Variants in MDM1 observed in about 807,000 individuals in gnomAD.
MDM1 encodes Mdm1 nuclear protein.
In MDM1, 61 loss-of-function variants were observed where a neutral mutation model predicts 89.1. The ratio of observed to expected loss-of-function variants is 0.68; its 90% CI spans 0.56 to 0.85. The LOEUF is 0.85. MDM1 is among the 40% of genes least tolerant of loss of function. The probability of loss-of-function intolerance (pLI) is 0.00; values close to 1 mark genes in which losing one functional copy is unlikely to be tolerated. For synonymous variants in MDM1, 290 were observed against 294.1 expected (o/e 0.99, Z 0.14); for missense variants, 820 against 846.5 (o/e 0.97, Z 0.39).
In MDM1 at chr12:68,332,350, T is replaced by C. The variant is rs1024947207; in HGVS notation, c.-105A>G. The C allele has an allele frequency of 1.1e-5, 15 of 1,371,990 alleles. No homozygotes were observed. Among genetic ancestry groups the C allele is most frequent in the South Asian group, 8.7e-5 (6 of 68,732 alleles). The allele number at this position is 1,371,990 out of a possible 1,614,324, so 85.0% of individuals were successfully genotyped here. ...TCCCTAGCAAAGCCTCGGCCCGGCG[T>C]CCCCGACTACGCGCCGGCGCACTCC... On this transcript the variant is annotated 5_prime_UTR_variant, in exon 1 of 15. Transcript: ENST00000682720.
chr12:68,316,914 T>C (rs2121013916), intron 7 of MDM1, among the ~76,000 whole-genome samples: 1 of 152,324 alleles, frequency 6.6e-6, no homozygotes, highest in South Asian at 2.1e-4. Context: ...AACCCAGCTT[T>C]ATTTCATGGC....
At chr12:68,312,414 A>G (rs1873818793) in intron 12 of MDM1, among the ~76,000 whole-genome samples, 1 of 152,128 alleles carries the variant, frequency 6.6e-6, no homozygotes, top group Non-Finnish European at 1.5e-5. Flanking sequence ...CCCACCCCAG[A>G]TCTTATCCAT....
chr12:68,297,076 C>A lies in MDM1; in HGVS notation c.2003-94G>T. ...TAAACTGTTAGTAAAAGTAGGCTGTCAGAAATTTTATTAATTATCAAACCT... is the reference window on the plus strand; with the variant it reads ...TAAACTGTTAGTAAAAGTAGGCTGTAAGAAATTTTATTAATTATCAAACCT... On this transcript the variant is annotated intron_variant, in intron 13 of 14. Coordinates refer to ENST00000682720, the MANE Select transcript of MDM1 (RefSeq NM_001354969.2). 6.6e-6 allele frequency: 5 copies of A among 758,530 alleles called. No homozygotes were observed. The South Asian group carries it at 8.8e-5, about 13-fold the overall frequency. The allele number at this position is 758,530 out of a possible 1,614,324, so 47.0% of individuals were successfully genotyped here. A position where few individuals can be genotyped will look rare whatever the true frequency, so the allele number is the denominator to read the frequency against.
chr12:68,327,502 C>T, intron 2 of MDM1: 1 of 1,535,728 alleles, frequency 6.5e-7, no homozygotes, highest in East Asian at 2.4e-5. Flanking sequence ...CTACATCTGC[C>T]TTGATTTCCT....
At chr12:68,297,115 G>T (rs1001635382) in intron 13 of MDM1, 133 bp from the exon 14 acceptor site, 4 of 455,324 alleles carry the variant, frequency 8.8e-6, no homozygotes, top group East Asian at 3.5e-5. Context: ...TGTGAGTAAA[G>T]GTTTAAGAAA....
At chr12:68,329,946 A>G (rs1337486001) in intron 2 of MDM1, among the ~76,000 whole-genome samples, 3 of 152,172 alleles carry the variant, frequency 2.0e-5, no homozygotes, top group African/African-American at 7.2e-5. Context: ...GCCACTTACT[A>G]GCTGTAAAGC....
intron 1 of MDM1, 80 bp downstream of exon 1, chr12:68,332,148 G>T (rs1247395584): frequency 6.7e-7 from 1 of 1,501,952 alleles, no homozygotes; most frequent in African/African-American, 1.4e-5. Flanking sequence ...GCGCAGAAAA[G>T]CAGCGTGACC....
chr12:68,303,068 T>A (rs1381763499), intron 12 of MDM1, among the ~76,000 whole-genome samples, 196 bp from the exon 13 acceptor site: 1 of 152,100 alleles, frequency 6.6e-6, no homozygotes, highest in Non-Finnish European at 1.5e-5. Flanking sequence ...GTAGACATTT[T>A]AAAAATTAAA....
intron 2 of MDM1, 151 bp from the exon 3 acceptor site, chr12:68,327,172 A>C (rs1002753936): frequency 2.2e-6 from 3 of 1,392,044 alleles, no homozygotes; most frequent in Non-Finnish European, 1.9e-6. Context: ...AGATTATAGG[A>C]TTTTAAAAGT....
At chr12:68,296,155 T>C (rs1871343280) in intron 14 of MDM1, among the ~76,000 whole-genome samples, 1 of 152,246 alleles carries the variant, frequency 6.6e-6, no homozygotes, top group Non-Finnish European at 1.5e-5. Flanking sequence ...CAATTATTCA[T>C]ATTGAATTCA....
chr12:68,303,736 GATT>G (rs1476730386), intron 12 of MDM1, among the ~76,000 whole-genome samples: 1 of 152,156 alleles, frequency 6.6e-6, no homozygotes, highest in Non-Finnish European at 1.5e-5. Flanking sequence ...GCTAAAAATA[GATT>G]ATAAAACCTT....
chr12:68,316,729 T>A, intron 7 of MDM1, 119 bp from the exon 8 acceptor site: 2 of 832,942 alleles, frequency 2.4e-6, no homozygotes, highest in Non-Finnish European at 3.7e-6. Flanking sequence ...TGTCAATCAA[T>A]ATTTCTTGGG....
chr12:68,313,795 C>A, intron 10 of MDM1, 42 bp from the exon 11 acceptor site: 4 of 1,441,766 alleles, frequency 2.8e-6, no homozygotes, highest in East Asian at 2.3e-5. Flanking sequence ...AGCATTTCCT[C>A]GAGAAAATAT....
In MDM1 at chr12:68,332,275, C is replaced by T; in HGVS notation, c.-30G>A. 6.3e-7 allele frequency: 1 copy of T among 1,579,584 alleles called. No homozygotes were observed. Among genetic ancestry groups the T allele is most frequent in the Non-Finnish European group, 8.6e-7 (1 of 1,163,642 alleles). On this transcript the variant is annotated 5_prime_UTR_variant, in exon 1 of 15. Transcript: ENST00000682720. ...CCCGGCGCCGGAGCCCCCGCTACTC[C>T]GACAGTTAACTGGAGAAAAAGCTCC...
At chr12:68,323,502 A>C in intron 4 of MDM1, 2 of 260,912 alleles carry the variant, frequency 7.7e-6, no homozygotes, top group Non-Finnish European at 1.4e-5. Context: ...TATGACATAG[A>C]CATTAGCTTT....
At chr12:68,318,501 A>G (rs921863542) in intron 7 of MDM1, among the ~76,000 whole-genome samples, 1 of 152,218 alleles carries the variant, frequency 6.6e-6, no homozygotes, top group Non-Finnish European at 1.5e-5. Context: ...AATTTACTAT[A>G]TCAACAATCT....
At chr12:68,317,847 G>C (rs144187290) in intron 7 of MDM1, among the ~76,000 whole-genome samples, 1 of 152,272 alleles carries the variant, frequency 6.6e-6, no homozygotes, top group Non-Finnish European at 1.5e-5. Flanking sequence ...TTGCCAGTAA[G>C]TGCCCCCATG....
intron 7 of MDM1, 196 bp downstream of exon 7, chr12:68,321,151 T>C: frequency 4.8e-6 from 2 of 416,220 alleles, no homozygotes; most frequent in Non-Finnish European, 8.3e-6. Context: ...TAAATATTAA[T>C]TTCTGAAGAG....
intron 2 of MDM1, among the ~76,000 whole-genome samples, chr12:68,330,441 C>T (rs1226660641): frequency 2.0e-5 from 3 of 152,216 alleles, no homozygotes; most frequent in East Asian, 3.8e-4. Context: ...TATATGTCTA[C>T]GTGTAAGTGT....
Sources: allele counts gnomAD v4.1 joint callset (sites outside exome capture counted in the v4.1 genomes callset), GRCh38; gene constraint gnomAD v4.1.1; transcripts MANE v1.5; gene names NCBI Gene and HGNC (gene_info 2026-07-23, HGNC 2026-07-21).